The following ZNF407 variants were observed in gnomAD, a reference collection of about 807,000 sequenced individuals.
The protein encoded by ZNF407 is zinc finger protein 407.
ZNF407 carries 17 observed loss-of-function variants against 131.2 expected under a neutral mutation model. The ratio of observed to expected loss-of-function variants is 0.13; its 90% confidence interval spans 0.09 to 0.19. The LOEUF is 0.19. Among genes scored for constraint, ZNF407 ranks in the 10% least tolerant of loss-of-function variants. The pLI, the probability that ZNF407 is intolerant of heterozygous loss-of-function variation, is 1.00. For missense variants in ZNF407, 2,681 were observed against 2,830.6 expected (o/e 0.95, Z 1.20); for synonymous variants, 1,156 against 1,062.0 (o/e 1.09, Z -1.72).
At chr18:74,711,737 G>A (rs1967767314) in intron 3 of ZNF407, among the ~76,000 whole-genome samples, 1 of 152,148 alleles carries the variant, frequency 6.6e-6, no homozygotes, top group Non-Finnish European at 1.5e-5. Context: ...TTGAGATGGA[G>A]TCTCTCTCTG....
In ZNF407 at chr18:74,634,153, A is replaced by C; in HGVS notation, c.3134A>C (p.Glu1045Ala). Reference protein sequence around the residue: ...HVKRKHTKEFEFYCMACDYYA... With the variant: ...HVKRKHTKEFAFYCMACDYYA... ...AAACGGAAACATACAAAAGAGTTTGAGTTTTATTGCATGGCATGCGATTAC... is the reference window on the plus strand; with the variant it reads ...AAACGGAAACATACAAAAGAGTTTGCGTTTTATTGCATGGCATGCGATTAC... Residue 1045 changes from glutamate to alanine, a missense_variant, in exon 2 of 9, where the codon GAG becomes GCG. Coordinates refer to ENST00000299687, the MANE Select transcript of ZNF407 (RefSeq NM_017757.3). 6.2e-7 allele frequency: 1 copy of C among 1,614,016 alleles called. No homozygotes were observed. Among genetic ancestry groups the C allele is most frequent in the South Asian group, 1.1e-5 (1 of 91,084 alleles).
intron 3 of ZNF407, among the ~76,000 whole-genome samples, chr18:74,754,478 G>T (rs1968882439): frequency 6.6e-6 from 1 of 152,042 alleles, no homozygotes; most frequent in African/African-American, 2.4e-5. Flanking sequence ...TTTCTCTTGT[G>T]GGCATTTAGT....
chr18:74,927,820 CAT>C (rs746020006), intron 8 of ZNF407, among the ~76,000 whole-genome samples: 36 of 147,862 alleles, frequency 2.4e-4, no homozygotes, highest in Non-Finnish European at 4.0e-4. Context: ...TAACAACAAA[CAT>C]ATATATGTGT....
intron 3 of ZNF407, among the ~76,000 whole-genome samples, chr18:74,650,745 A>T (rs1427681833): frequency 6.6e-6 from 1 of 152,190 alleles, no homozygotes; most frequent in Non-Finnish European, 1.5e-5. Flanking sequence ...TTGTTACCCC[A>T]AAGAACACAT....
chr18:74,847,447 A>G (rs969679130), intron 4 of ZNF407, among the ~76,000 whole-genome samples: 5 of 152,198 alleles, frequency 3.3e-5, no homozygotes, highest in South Asian at 4.1e-4. Flanking sequence ...TTTCAGTTCA[A>G]AAGCTCTTTG....
chr18:74,862,251 C>T (rs1599204169), intron 4 of ZNF407, among the ~76,000 whole-genome samples: 4 of 152,214 alleles, frequency 2.6e-5, no homozygotes, highest in East Asian at 1.9e-4. Context: ...ATTTTATGAC[C>T]GGTAACTTTA....
chr18:74,799,559 G>T (rs891713753), intron 4 of ZNF407, among the ~76,000 whole-genome samples: 2 of 152,212 alleles, frequency 1.3e-5, no homozygotes, highest in Middle Eastern at 3.4e-3. Context: ...GTTGTCCCAA[G>T]AATTGCATAA....
At position 74,697,362 on chromosome 18, in the gene ZNF407, A is replaced by G. The variant is rs142342469; in HGVS notation, c.4802+56240A>G. Among the ~76,000 whole-genome samples the G allele has an allele frequency of 2.6e-5, 4 of 152,326 alleles. No homozygotes were observed. In the East Asian group the frequency reaches 5.8e-4, roughly 22 times the overall value. ...AATAAAATACAAATTAGCTTTTAAT[A>G]TAAGTATGATAGTCCAAAATAGCTG... is the stretch of plus-strand genomic sequence containing the variant. On this transcript the variant is annotated intron_variant, in intron 3 of 8. Transcript: ENST00000299687.
intron 3 of ZNF407, among the ~76,000 whole-genome samples, chr18:74,755,186 T>C (rs556983542): frequency 1.3e-5 from 2 of 152,304 alleles, no homozygotes; most frequent in Non-Finnish European, 2.9e-5. Context: ...TGCTTTTTTT[T>C]TGTTTTCCGT....
At chr18:74,765,397 A>T in intron 3 of ZNF407, among the ~76,000 whole-genome samples, 1 of 152,148 alleles carries the variant, frequency 6.6e-6, no homozygotes, top group East Asian at 1.9e-4. Context: ...GTAGTTCAAT[A>T]AATATTCTTG....
At chr18:74,985,776 G>A (rs887635275) in intron 8 of ZNF407, among the ~76,000 whole-genome samples, 3 of 152,076 alleles carry the variant, frequency 2.0e-5, no homozygotes, top group Admixed American at 6.5e-5. Context: ...ACAAAAAACT[G>A]TCATTGCTTG....
At chr18:74,847,993 C>A (rs1970726000) in intron 4 of ZNF407, among the ~76,000 whole-genome samples, 1 of 151,986 alleles carries the variant, frequency 6.6e-6, no homozygotes, top group African/African-American at 2.4e-5. Flanking sequence ...TTCAGCTGGA[C>A]TTTTTATAAA....
intron 8 of ZNF407, among the ~76,000 whole-genome samples, chr18:74,921,786 T>C (rs1971850103): frequency 6.6e-6 from 1 of 152,136 alleles, no homozygotes; most frequent in Non-Finnish European, 1.5e-5. Flanking sequence ...TCGTTAGTAG[T>C]GGTGGGGATG....
chr18:74,739,621 G>C (rs1181336627), intron 3 of ZNF407, among the ~76,000 whole-genome samples: 1 of 151,840 alleles, frequency 6.6e-6, no homozygotes, highest in East Asian at 1.9e-4. Context: ...TTGAAAGGAG[G>C]TACATGATTA....
chr18:74,755,541 C>CTCCCTCCCTCCT (rs1968912048), intron 3 of ZNF407, among the ~76,000 whole-genome samples: 1 of 93,650 alleles, frequency 1.1e-5, no homozygotes, highest in South Asian at 4.8e-4. Flanking sequence ...CCCTCTCTCC[C>CTCCCTCCCTCCT]TCCCTCCCTT....
intron 8 of ZNF407, among the ~76,000 whole-genome samples, chr18:74,998,602 C>G (rs1297970700): frequency 6.6e-6 from 1 of 151,046 alleles, no homozygotes; most frequent in Non-Finnish European, 1.5e-5. Context: ...AAGAAATGCT[C>G]ATCATCACTG....
chr18:74,895,959 T>C (rs141450117), intron 7 of ZNF407, among the ~76,000 whole-genome samples: 1 of 152,162 alleles, frequency 6.6e-6, no homozygotes, highest in African/African-American at 2.4e-5. Context: ...ATAGAACAAA[T>C]GTGGTTTTGC....
Position 74,969,255 on chromosome 18 carries a change from TG to T in ZNF407, c.5428+48565del, listed in dbSNP as rs972798488. Among the ~76,000 whole-genome samples the T allele has an allele frequency of 8.1e-4, 123 of 152,312 alleles. 1 individual carries two copies. The highest frequency in any genetic ancestry group is 2.7e-3 in the African/African-American group (112 of 41,584). ...GCTTTCTCCAGCATCTGATTCACCT[TG>T]GTGTTAGCATCAGATGACTGTCTTT... On this transcript the variant is annotated intron_variant, in intron 8 of 8. Coordinates refer to ENST00000299687, the MANE Select transcript of ZNF407 (RefSeq NM_017757.3).
chr18:74,806,762 G>C (rs1038511196), intron 4 of ZNF407, among the ~76,000 whole-genome samples: 1 of 152,148 alleles, frequency 6.6e-6, no homozygotes, highest in African/African-American at 2.4e-5. Context: ...AAAATATAAG[G>C]AATAATACTC....
Sources: gnomAD v4.1 joint callset for allele counts (sites outside exome capture counted in the v4.1 genomes callset) on GRCh38, gnomAD v4.1.1 for gene constraint, MANE v1.5 for transcripts, NCBI Gene and HGNC (gene_info 2026-07-23, HGNC 2026-07-21) for gene names.